CBFB: variants seen among roughly 807,000 people sequenced by gnomAD.
The protein encoded by CBFB is core-binding factor subunit beta, also known as CBF-beta.
In CBFB, 9 loss-of-function variants were observed where a neutral mutation model predicts 30.4. That is an observed-to-expected ratio of 0.30 (90% CI 0.18 to 0.52). CBFB has a LOEUF of 0.52. CBFB is among the 20% of genes least tolerant of loss of function. CBFB has a pLI of 0.97. For synonymous variants in CBFB, 94 were observed against 84.0 expected (o/e 1.12, Z -0.65); for missense variants, 170 against 244.0 (o/e 0.70, Z 2.02).
intron 3 of CBFB, among the ~76,000 whole-genome samples, chr16:67,064,011 A>T (rs1303726150): frequency 6.6e-6 from 1 of 152,244 alleles, no homozygotes; most frequent in Admixed American, 6.5e-5. Context: ...CAAAGGAAAT[A>T]CATTTGGTGC....
intron 3 of CBFB, among the ~76,000 whole-genome samples, chr16:67,050,975 C>G (rs1490849064): frequency 6.6e-6 from 1 of 152,160 alleles, no homozygotes; most frequent in Admixed American, 6.6e-5. Context: ...ATTCACCTCT[C>G]TGGAGAGAAG....
intron 3 of CBFB, among the ~76,000 whole-genome samples, chr16:67,057,745 C>G (rs1960772198): frequency 6.6e-6 from 1 of 152,066 alleles, no homozygotes; most frequent in South Asian, 2.1e-4. Context: ...GTTTTTTCAA[C>G]TCCACTGGTT....
At chr16:67,033,410 G>T (rs1415736229) in intron 2 of CBFB, among the ~76,000 whole-genome samples, 1 of 151,980 alleles carries the variant, frequency 6.6e-6, no homozygotes, top group African/African-American at 2.4e-5. Flanking sequence ...TGCCATCTCC[G>T]TTCACTGCAA....
intron 2 of CBFB, among the ~76,000 whole-genome samples, chr16:67,034,190 TAAAG>T (rs1462933032): frequency 6.6e-6 from 1 of 151,998 alleles, no homozygotes; most frequent in African/African-American, 2.4e-5. Context: ...AATAATCAAA[TAAAG>T]AAAAAATATT....
chr16:67,029,184 G>A lies in CBFB; in HGVS notation c.-224G>A, dbSNP rs1270585177. 3 of 192,904 alleles carry A rather than the reference G, an allele frequency of 1.6e-5. No homozygotes were observed. Among genetic ancestry groups the A allele is most frequent in the Non-Finnish European group, 3.0e-5 (3 of 101,476 alleles). The allele number at this position is 192,904 out of a possible 1,614,324, so 11.9% of individuals were successfully genotyped here. ...GGGGCTGCGCGGGCGGCAGGCAACGGCTGAGGCGGCGGCGGCGGCGGCGGC... is the reference window on the plus strand; with the variant it reads ...GGGGCTGCGCGGGCGGCAGGCAACGACTGAGGCGGCGGCGGCGGCGGCGGC... On this transcript the variant is annotated 5_prime_UTR_variant, in exon 1 of 6. Transcript: ENST00000412916.
chr16:67,083,571 T>A (rs865986289), intron 5 of CBFB, among the ~76,000 whole-genome samples: 2 of 152,174 alleles, frequency 1.3e-5, no homozygotes, highest in Non-Finnish European at 2.9e-5. Flanking sequence ...TTGGATTGAT[T>A]ACAGGCGTGA....
chr16:67,035,084 T>C (rs1415480516), intron 2 of CBFB, among the ~76,000 whole-genome samples: 1 of 152,042 alleles, frequency 6.6e-6, no homozygotes, highest in East Asian at 1.9e-4. Flanking sequence ...AAGTTTTTTT[T>C]GTTTTTTGTT....
chr16:67,099,806 T>C lies in CBFB; in HGVS notation c.*1028T>C, dbSNP rs1313619835. The C allele has an allele frequency of 1.4e-5, 3 of 210,276 alleles. No individual in the cohort carries two copies. Among genetic ancestry groups the C allele is most frequent in the African/African-American group, 2.3e-5 (1 of 44,076 alleles). The allele number at this position is 210,276 out of a possible 1,614,324, so 13.0% of individuals were successfully genotyped here. The stretch of plus-strand genomic sequence containing the variant: ...TGATGAATCAGCTACAAAGGTAATA[T>C]TGTATTAAAATCATGTTTAAGATAG... On this transcript the variant is annotated 3_prime_UTR_variant, in exon 6 of 6. Coordinates refer to ENST00000412916, the MANE Select transcript of CBFB (RefSeq NM_022845.3).
chr16:67,083,355 G>T (rs2145773396), intron 5 of CBFB, among the ~76,000 whole-genome samples: 1 of 151,032 alleles, frequency 6.6e-6, no homozygotes. Context: ...GAGTACAGTA[G>T]CGTGATCTCG....
intron 3 of CBFB, among the ~76,000 whole-genome samples, chr16:67,057,846 G>A (rs962922671): frequency 2.0e-5 from 3 of 151,558 alleles, no homozygotes; most frequent in Admixed American, 1.3e-4. Context: ...GAATTTTTTG[G>A]TTTTGTTCCA....
intron 3 of CBFB, among the ~76,000 whole-genome samples, chr16:67,057,979 A>G (rs145360248): frequency 6.6e-6 from 1 of 152,310 alleles, no homozygotes; most frequent in East Asian, 1.9e-4. Flanking sequence ...TGATTGTTTT[A>G]TGTGAACTGT....
intron 3 of CBFB, among the ~76,000 whole-genome samples, chr16:67,041,900 CTTT>C (rs577858550): frequency 3.4e-4 from 42 of 125,106 alleles, no homozygotes; most frequent in Middle Eastern, 4.1e-3. Context: ...TCCTGCCCTT[CTTT>C]TTTTTTTTTT....
At chr16:67,029,524 G>A (rs749759169) in intron 1 of CBFB, 39 bp downstream of exon 1, 1 of 1,549,212 alleles carries the variant, frequency 6.5e-7, no homozygotes, top group East Asian at 2.5e-5. Flanking sequence ...GCCGCAGCGC[G>A]CCCCGAGTGG....
chr16:67,096,867 G>A (rs1157295863), intron 5 of CBFB, among the ~76,000 whole-genome samples: 1 of 151,290 alleles, frequency 6.6e-6, no homozygotes, highest in Admixed American at 6.6e-5. Context: ...CCAGCTACTC[G>A]GGAGGCGGAG....
At chr16:67,072,244 CA>C (rs1961243492) in intron 4 of CBFB, among the ~76,000 whole-genome samples, 1 of 151,852 alleles carries the variant, frequency 6.6e-6, no homozygotes, top group Non-Finnish European at 1.5e-5. Flanking sequence ...TTGTTTCATT[CA>C]AAAAACATTT....
chr16:67,067,584 A>G (rs567729848), intron 4 of CBFB, among the ~76,000 whole-genome samples: 1 of 152,270 alleles, frequency 6.6e-6, no homozygotes, highest in East Asian at 1.9e-4. Flanking sequence ...TCTCAGTAAG[A>G]TCAGTGACAG....
intron 3 of CBFB, among the ~76,000 whole-genome samples, chr16:67,063,305 C>T (rs776945827): frequency 1.4e-4 from 22 of 151,894 alleles, no homozygotes; most frequent in Non-Finnish European, 3.1e-4. Flanking sequence ...AGAAATGGAA[C>T]CTTTTGTATT....
At chr16:67,080,105 A>G (rs1961514007) in intron 4 of CBFB, among the ~76,000 whole-genome samples, 1 of 152,184 alleles carries the variant, frequency 6.6e-6, no homozygotes, top group African/African-American at 2.4e-5. Context: ...AATAATAATA[A>G]TAATAAATTC....
chr16:67,036,241 A>G (rs1262623394), intron 2 of CBFB, among the ~76,000 whole-genome samples: 1 of 152,200 alleles, frequency 6.6e-6, no homozygotes, highest in African/African-American at 2.4e-5. Flanking sequence ...CATTTATACA[A>G]TTTTAAATTG....
Sources: allele counts gnomAD v4.1 joint callset (sites outside exome capture counted in the v4.1 genomes callset), GRCh38; gene constraint gnomAD v4.1.1; transcripts MANE v1.5; gene names NCBI Gene and HGNC (gene_info 2026-07-23, HGNC 2026-07-21).